Variants in ERC2 observed in about 807,000 individuals in gnomAD.
ERC2 encodes the protein ERC protein 2.
ERC2 carries 42 observed loss-of-function variants against 114.8 expected under a neutral mutation model. The ratio of observed to expected loss-of-function variants is 0.37; its 90% CI spans 0.29 to 0.47. The LOEUF is 0.47. Among genes scored for constraint, ERC2 ranks in the 20% least tolerant of loss-of-function variants. The pLI, the probability that ERC2 is intolerant of heterozygous loss-of-function variation, is 0.99. For missense variants in ERC2, 939 were observed against 1,150.7 expected (o/e 0.82, Z 2.66); for synonymous variants, 454 against 425.5 (o/e 1.07, Z -0.82).
At chr3:55,511,311 G>A (rs751243492) in intron 17 of ERC2, 35 bp from the exon 18 acceptor site, 1 of 152,336 alleles carries the variant, frequency 6.6e-6, no homozygotes, top group African/African-American at 2.4e-5. Flanking sequence ...AGCAGGGGAA[G>A]AAACTGGCAA....
Position 56,196,320 on chromosome 3 carries a change from T to C in ERC2, c.1075-22800A>G, listed in dbSNP as rs533925683. On this transcript the variant is annotated intron_variant, in intron 3 of 17. Transcript: ENST00000288221. ...AGAGATCTTGATTAAACATATGAGA[T>C]AATGTCCACTATATCTTTTGTGATC... Among the ~76,000 whole-genome samples, 5 of 152,254 alleles carry C rather than the reference T, an allele frequency of 3.3e-5. No individual in the cohort carries two copies. In the East Asian group the frequency reaches 7.7e-4, roughly 24 times the overall value.
chr3:55,607,612 G>GTTT (rs1363301472), intron 17 of ERC2, among the ~76,000 whole-genome samples: 1 of 42,134 alleles, frequency 2.4e-5, no homozygotes, highest in East Asian at 6.8e-4. Context: ...AGAAAATAGT[G>GTTT]TGTTTTTTTT....
chr3:56,315,878 G>C (rs2150408361), intron 2 of ERC2, among the ~76,000 whole-genome samples: 1 of 152,154 alleles, frequency 6.6e-6, no homozygotes, highest in African/African-American at 2.4e-5. Context: ...TAGAAAAAAA[G>C]AAAGTATCTA....
At chr3:55,785,748 T>A (rs2069435448) in intron 14 of ERC2, among the ~76,000 whole-genome samples, 1 of 152,212 alleles carries the variant, frequency 6.6e-6, no homozygotes, top group Non-Finnish European at 1.5e-5. Context: ...CAAAGCCAGC[T>A]CTGCACCATC....
At chr3:56,311,733 T>C (rs955568890) in intron 2 of ERC2, among the ~76,000 whole-genome samples, 1 of 152,108 alleles carries the variant, frequency 6.6e-6, no homozygotes, top group Admixed American at 6.6e-5. Flanking sequence ...TATCAAACCA[T>C]GTATTTTTAC....
At chr3:56,236,533 G>T (rs904950237) in intron 3 of ERC2, among the ~76,000 whole-genome samples, 2 of 152,158 alleles carry the variant, frequency 1.3e-5, no homozygotes, top group African/African-American at 4.8e-5. Context: ...GGCTTTTCGA[G>T]AACTTGTATC....
At chr3:55,747,544 G>A (rs1395148076) in intron 14 of ERC2, among the ~76,000 whole-genome samples, 1 of 152,224 alleles carries the variant, frequency 6.6e-6, no homozygotes, top group Non-Finnish European at 1.5e-5. Flanking sequence ...GAAAAGAAAT[G>A]AGACAAAATT....
chr3:55,517,550 C>T (rs1055770573), intron 17 of ERC2, among the ~76,000 whole-genome samples: 1 of 151,752 alleles, frequency 6.6e-6, no homozygotes, highest in African/African-American at 2.4e-5. Context: ...GTCTAATATG[C>T]ACTATGATAA....
Position 56,036,385 on chromosome 3 carries a change from G to GA in ERC2, c.1642-17355dup, listed in dbSNP as rs200845935. On this transcript the variant is annotated intron_variant, in intron 7 of 17. Transcript: ENST00000288221. ...TTAGTACCTTGCTACAATTAGGCAA[G>GA]AAAAAAAACAATAAAATCATCCGAA... 2.1e-3 allele frequency among the ~76,000 whole-genome samples: 315 copies of GA among 151,754 alleles called. 1 individual carries two copies. The highest frequency in any genetic ancestry group is 0.018 in the East Asian group (93 of 5,160).
chr3:56,183,704 G>A (rs1024958147), intron 3 of ERC2, among the ~76,000 whole-genome samples: 3 of 152,098 alleles, frequency 2.0e-5, no homozygotes, highest in Non-Finnish European at 4.4e-5. Flanking sequence ...CCTTCACGGA[G>A]CTTATGTTCT....
chr3:56,009,510 C>A (rs759679431), intron 9 of ERC2, among the ~76,000 whole-genome samples: 1 of 152,098 alleles, frequency 6.6e-6, no homozygotes, highest in African/African-American at 2.4e-5. Context: ...CAGTACCACA[C>A]GAGTGAGGAA....
At chr3:56,460,532 T>C (rs1454634270) in intron 1 of ERC2, among the ~76,000 whole-genome samples, 1 of 152,198 alleles carries the variant, frequency 6.6e-6, no homozygotes, top group Non-Finnish European at 1.5e-5. Flanking sequence ...TTTACCTGTA[T>C]AGGTAATATG....
intron 2 of ERC2, among the ~76,000 whole-genome samples, chr3:56,343,930 A>G (rs13093276): frequency 0.26 from 40,297 of 152,074 alleles, 5,513 homozygotes; most frequent in Admixed American, 0.31. Flanking sequence ...ATTCAATAAC[A>G]ACAAAGAAAG....
chr3:56,170,585 GTTTTTTTTTTTTTTT>G (rs1178172687), intron 4 of ERC2, among the ~76,000 whole-genome samples: 1 of 61,764 alleles, frequency 1.6e-5, no homozygotes, highest in African/African-American at 6.2e-5. Flanking sequence ...AATCTCTTCT[GTTTTTTTTTTTTTTT>G]TTTTTTTTTT....
chr3:55,894,486 T>C (rs2063751067), intron 13 of ERC2, among the ~76,000 whole-genome samples: 1 of 152,228 alleles, frequency 6.6e-6, no homozygotes, highest in Non-Finnish European at 1.5e-5. Context: ...GTTTGTTACA[T>C]AGGTACGTTG....
At position 56,234,170 on chromosome 3, in the gene ERC2, C is replaced by T. The variant is rs149634616; in HGVS notation, c.1075-60650G>A. The stretch of plus-strand genomic sequence containing the variant: ...ACTACAATTCTATATCTTAGAGAAT[C>T]ACTATAAAAACTCAAGTACAGGCAA... On this transcript the variant is annotated intron_variant, in intron 3 of 17. Transcript: ENST00000288221. Among the ~76,000 whole-genome samples, 374 of 152,262 alleles carry T rather than the reference C, an allele frequency of 2.5e-3. 3 individuals carry two copies. The highest frequency in any genetic ancestry group is 8.5e-3 in the African/African-American group (353 of 41,542).
rs143079321 is a variant in ERC2 at position 55,957,735 on chromosome 3, G to A, written c.2268-7175C>T. Among the ~76,000 whole-genome samples the A allele has an allele frequency of 2.0e-5, 3 of 152,184 alleles. No individual in the cohort carries two copies. In the South Asian group the frequency reaches 6.2e-4, roughly 31 times the overall value. On this transcript the variant is annotated intron_variant, in intron 12 of 17. Coordinates refer to ENST00000288221, the MANE Select transcript of ERC2 (RefSeq NM_015576.3). ...TGTTCCAGCTGCAGTGGGGAGGAGG[G>A]GGGGGCAGCTCCAGGCGCCTGCTCC...
At chr3:55,768,278 A>C (rs758260894) in intron 14 of ERC2, among the ~76,000 whole-genome samples, 18 of 152,222 alleles carry the variant, frequency 1.2e-4, no homozygotes, top group Non-Finnish European at 2.4e-4. Context: ...TGGTTTGCAA[A>C]TCAGAACATC....
At chr3:56,001,724 G>A (rs1323712845) in intron 10 of ERC2, among the ~76,000 whole-genome samples, 3 of 152,038 alleles carry the variant, frequency 2.0e-5, no homozygotes, top group Non-Finnish European at 4.4e-5. Context: ...TCCTAGCATG[G>A]TCCTGGTATA....
Sources: gnomAD v4.1 joint callset for allele counts (sites outside exome capture counted in the v4.1 genomes callset) on GRCh38, gnomAD v4.1.1 for gene constraint, MANE v1.5 for transcripts, NCBI Gene and HGNC (gene_info 2026-07-23, HGNC 2026-07-21) for gene names.